KIAA0040: variants seen among roughly 807,000 people sequenced by gnomAD.
KIAA0040 encodes uncharacterized protein KIAA0040.
Under a neutral mutation model 7.2 loss-of-function variants are expected in KIAA0040, and 10 were observed. The ratio of observed to expected loss-of-function variants is 1.38; its 90% CI spans 0.85 to 2.34. The LOEUF (loss-of-function observed/expected upper bound fraction) is 2.34. Ranked by LOEUF, KIAA0040 falls within the 30% of genes most tolerant of loss-of-function variation. KIAA0040 has a pLI of 0.00. For missense variants in KIAA0040, 89 were observed against 108.2 expected (o/e 0.82, Z 0.79); for synonymous variants, 49 against 40.1 (o/e 1.22, Z -0.84).
intron 2 of KIAA0040, among the ~76,000 whole-genome samples, chr1:175,172,430 T>G (rs1197862363): frequency 6.6e-6 from 1 of 152,158 alleles, no homozygotes; most frequent in Non-Finnish European, 1.5e-5. Context: ...ATTAAAAAAA[T>G]TAGCCAAGTG....
At chr1:175,180,052 C>G (rs1283515179) in intron 1 of KIAA0040, among the ~76,000 whole-genome samples, 1 of 152,158 alleles carries the variant, frequency 6.6e-6, no homozygotes, top group Non-Finnish European at 1.5e-5. Context: ...AACTGTAGCT[C>G]TCTCTCACCC....
intron 2 of KIAA0040, among the ~76,000 whole-genome samples, chr1:175,173,984 A>G (rs1677084448): frequency 6.6e-6 from 1 of 152,122 alleles, no homozygotes; most frequent in Admixed American, 6.5e-5. Context: ...ACATGGCCAC[A>G]ATCTGCTGGA....
chr1:175,181,453 T>C (rs1350015024), intron 1 of KIAA0040, among the ~76,000 whole-genome samples: 1 of 152,218 alleles, frequency 6.6e-6, no homozygotes, highest in African/African-American at 2.4e-5. Flanking sequence ...GAGTACCTAC[T>C]ATGTGCATGA....
chr1:175,191,111 G>GTATC (rs566008409), intron 1 of KIAA0040, among the ~76,000 whole-genome samples: 67 of 152,226 alleles, frequency 4.4e-4, no homozygotes, highest in African/African-American at 1.5e-3. Context: ...GTTTATTTCT[G>GTATC]TATCTGTCTC....
At chr1:175,173,516 CAT>C (rs1467476462) in intron 2 of KIAA0040, among the ~76,000 whole-genome samples, 1 of 152,184 alleles carries the variant, frequency 6.6e-6, no homozygotes, top group Non-Finnish European at 1.5e-5. Context: ...CGCCCAAAGA[CAT>C]GGAGCTACTC....
At position 175,171,304 on chromosome 1, in the gene KIAA0040, A is replaced by G. The variant is rs373720130; in HGVS notation, c.-309-4567T>C. On this transcript the variant is annotated intron_variant, in intron 2 of 3. Transcript: ENST00000423313. ...CAATGCTGCTGTCACGCTGGTTTCC[A>G]CCTTTACTGCCTGTCTTCCTCCATT... 5.9e-4 allele frequency among the ~76,000 whole-genome samples: 89 copies of G among 152,070 alleles called. 1 individual carries two copies. Among genetic ancestry groups the G allele is most frequent in the African/African-American group, 2.1e-3 (86 of 41,472 alleles).
At chr1:175,184,712 G>A (rs895816522) in intron 1 of KIAA0040, among the ~76,000 whole-genome samples, 1 of 152,168 alleles carries the variant, frequency 6.6e-6, no homozygotes, top group African/African-American at 2.4e-5. Context: ...AGTGCCTGGG[G>A]AGGGTCAAAC....
Position 175,160,533 on chromosome 1 carries a change from T to C in KIAA0040, c.*181A>G, listed in dbSNP as rs370636948. 10 of 619,060 alleles carry C rather than the reference T, an allele frequency of 1.6e-5. No individual in the cohort carries two copies. The highest frequency in any genetic ancestry group is 1.5e-4 in the African/African-American group (8 of 54,140). The allele number at this position is 619,060 out of a possible 1,614,324, so 38.3% of individuals were successfully genotyped here. On this transcript the variant is annotated 3_prime_UTR_variant, in exon 4 of 4. Coordinates refer to ENST00000423313, the MANE Select transcript of KIAA0040 (RefSeq NM_014656.3). ...AGCTGCCAAGACAGTATCCAAGAAT[T>C]GTCCACGTGGTCCCTGGGACTGCCC...
At chr1:175,163,388 A>G (rs1571186826) in intron 3 of KIAA0040, among the ~76,000 whole-genome samples, 1 of 152,230 alleles carries the variant, frequency 6.6e-6, no homozygotes, top group East Asian at 1.9e-4. Flanking sequence ...TGGCTGCCTG[A>G]ACTTAAACTC....
At chr1:175,180,256 C>T (rs1284929213) in intron 1 of KIAA0040, among the ~76,000 whole-genome samples, 1 of 152,238 alleles carries the variant, frequency 6.6e-6, no homozygotes, top group Admixed American at 6.5e-5. Flanking sequence ...TAGATGGAAT[C>T]TATTCCCATC....
At chr1:175,185,995 A>C (rs1677644364) in intron 1 of KIAA0040, among the ~76,000 whole-genome samples, 1 of 152,226 alleles carries the variant, frequency 6.6e-6, no homozygotes, top group Admixed American at 6.5e-5. Flanking sequence ...AACTCCATAG[A>C]GGTAGGATGC....
rs187138165 is a variant in KIAA0040 at position 175,160,953 on chromosome 1, C to T, written c.61G>A (p.Glu21Lys). ...IWDTILTKHQEGIYNTICLGV... is the reference protein window; with the variant it reads ...IWDTILTKHQKGIYNTICLGV... Reference sequence around the variant, plus strand: ...AGGCAGATGGTGTTGTAGATGCCTTCTTGGTGTTTGGTCAAGATGGTGTCC... The same window carrying T: ...AGGCAGATGGTGTTGTAGATGCCTTTTTGGTGTTTGGTCAAGATGGTGTCC... Residue 21 changes from glutamate (E) to lysine (K), a missense_variant, in exon 4 of 4, where the codon GAA (glutamate) becomes AAA (lysine). Transcript: ENST00000423313. The T allele has an allele frequency of 1.3e-6, 2 of 1,551,416 alleles. No homozygotes were observed. Among genetic ancestry groups the T allele is most frequent in the Admixed American group, 2.0e-5 (1 of 50,984 alleles).
In KIAA0040 at chr1:175,160,524, T is replaced by C. The variant is rs1163489684; in HGVS notation, c.*190A>G. ...TGGACACATAGCTGCCAAGACAGTA[T>C]CCAAGAATTGTCCACGTGGTCCCTG... is the stretch of plus-strand genomic sequence containing the variant. On this transcript the variant is annotated 3_prime_UTR_variant, in exon 4 of 4. Coordinates refer to ENST00000423313, the MANE Select transcript of KIAA0040 (RefSeq NM_014656.3). 1.7e-6 allele frequency: 1 copy of C among 605,344 alleles called. No homozygotes were observed. Among genetic ancestry groups the C allele is most frequent in the East Asian group, 2.8e-5 (1 of 35,314 alleles). The allele number at this position is 605,344 out of a possible 1,614,324, so 37.5% of individuals were successfully genotyped here.
At chr1:175,173,804 T>C (rs1677078278) in intron 2 of KIAA0040, among the ~76,000 whole-genome samples, 1 of 152,216 alleles carries the variant, frequency 6.6e-6, no homozygotes, top group Non-Finnish European at 1.5e-5. Context: ...ACTGATAACA[T>C]GTATAACTCC....
chr1:175,170,638 C>A (rs1026199696), intron 2 of KIAA0040, among the ~76,000 whole-genome samples: 1 of 152,148 alleles, frequency 6.6e-6, no homozygotes, highest in Non-Finnish European at 1.5e-5. Context: ...TACCTCCCCA[C>A]CCCTACCTCA....
chr1:175,179,910 TAA>T (rs1677370073), intron 1 of KIAA0040, among the ~76,000 whole-genome samples: 1 of 152,214 alleles, frequency 6.6e-6, no homozygotes, highest in Non-Finnish European at 1.5e-5. Flanking sequence ...CTTTCTGCGC[TAA>T]AGTTACTCCT....
chr1:175,158,147 C>G lies in KIAA0040; in HGVS notation c.*2567G>C, dbSNP rs894913307. The G allele has an allele frequency of 6.6e-6, 1 of 152,264 alleles. No individual in the cohort carries two copies. The highest frequency in any genetic ancestry group is 2.4e-5 in the African/African-American group (1 of 41,450). The allele number at this position is 152,264 out of a possible 1,614,324, so 9.4% of individuals were successfully genotyped here. On this transcript the variant is annotated 3_prime_UTR_variant, in exon 4 of 4. Coordinates refer to ENST00000423313, the MANE Select transcript of KIAA0040 (RefSeq NM_014656.3). ...ATTTAACAAAACGTTTAGGGCCTATCCTGCACTGGGACTCCTCTAGTTACG... is the reference window on the plus strand; with the variant it reads ...ATTTAACAAAACGTTTAGGGCCTATGCTGCACTGGGACTCCTCTAGTTACG...
intron 2 of KIAA0040, among the ~76,000 whole-genome samples, chr1:175,169,356 T>C (rs1676893357): frequency 6.6e-6 from 1 of 152,200 alleles, no homozygotes; most frequent in Admixed American, 6.5e-5. Context: ...ACTCACTAGC[T>C]GTATCACATT....
chr1:175,166,381 G>A (rs988515079), intron 3 of KIAA0040, among the ~76,000 whole-genome samples, 181 bp downstream of exon 3: 2 of 152,186 alleles, frequency 1.3e-5, no homozygotes, highest in Non-Finnish European at 2.9e-5. Flanking sequence ...ATTCAGTCGG[G>A]TCTAGGATGG....
Sources: gnomAD v4.1 joint callset for allele counts (sites outside exome capture counted in the v4.1 genomes callset) on GRCh38, gnomAD v4.1.1 for gene constraint, MANE v1.5 for transcripts, NCBI Gene and HGNC (gene_info 2026-07-23, HGNC 2026-07-21) for gene names.